Variants in MYT1L observed in about 807,000 individuals in gnomAD.
MYT1L encodes myelin transcription factor 1-like protein.
MYT1L carries 12 observed loss-of-function variants against 126.7 expected under a neutral mutation model. The ratio of observed to expected loss-of-function variants is 0.09; its 90% confidence interval spans 0.06 to 0.15. The LOEUF (loss-of-function observed/expected upper bound fraction) is 0.15. Among genes scored for constraint, MYT1L ranks in the 10% least tolerant of loss-of-function variants. The probability of loss-of-function intolerance (pLI) is 1.00; values close to 1 mark genes in which losing one functional copy is unlikely to be tolerated. For missense variants in MYT1L, 979 were observed against 1,585.2 expected (o/e 0.62, Z 6.49); for synonymous variants, 541 against 604.2 (o/e 0.90, Z 1.53).
At chr2:2,183,654 A>G (rs2091778729) in intron 2 of MYT1L, among the ~76,000 whole-genome samples, 1 of 152,188 alleles carries the variant, frequency 6.6e-6, no homozygotes, top group Admixed American at 6.5e-5. Flanking sequence ...TGTAAAAGTT[A>G]TCAGCATATG....
chr2:2,265,847 T>G (rs1466158267), intron 2 of MYT1L, among the ~76,000 whole-genome samples: 2 of 152,180 alleles, frequency 1.3e-5, no homozygotes, highest in Non-Finnish European at 2.9e-5. Context: ...GCCTTGAGGC[T>G]GATGGGATCT....
intron 2 of MYT1L, among the ~76,000 whole-genome samples, chr2:2,253,679 G>A (rs2094721134): frequency 6.6e-6 from 1 of 152,060 alleles, no homozygotes; most frequent in Non-Finnish European, 1.5e-5. Context: ...TGGGAAACAA[G>A]AAGCAGGGCA....
intron 4 of MYT1L, among the ~76,000 whole-genome samples, chr2:2,003,713 C>T (rs67080318): frequency 0.093 from 14,139 of 152,190 alleles, 698 homozygotes; most frequent in African/African-American, 0.13. Context: ...CCCATGGGTG[C>T]TTAGGGCTGC....
intron 11 of MYT1L, among the ~76,000 whole-genome samples, chr2:1,915,502 A>G (rs1218053962): frequency 2.0e-5 from 3 of 152,202 alleles, no homozygotes; most frequent in African/African-American, 7.2e-5. Context: ...CATCCATAAA[A>G]AGGAGCTGAT....
At chr2:2,027,737 C>T (rs2065796959) in intron 4 of MYT1L, among the ~76,000 whole-genome samples, 1 of 152,180 alleles carries the variant, frequency 6.6e-6, no homozygotes, top group South Asian at 2.1e-4. Context: ...CTGGGCGATA[C>T]TGGGCCACCT....
intron 2 of MYT1L, among the ~76,000 whole-genome samples, chr2:2,203,909 A>G (rs2093195417): frequency 6.6e-6 from 1 of 152,216 alleles, no homozygotes; most frequent in Non-Finnish European, 1.5e-5. Flanking sequence ...GTACCAAAAC[A>G]GAGATATAGA....
chr2:2,184,683 C>T (rs539876756), intron 2 of MYT1L, among the ~76,000 whole-genome samples: 2 of 152,174 alleles, frequency 1.3e-5, no homozygotes, highest in African/African-American at 4.8e-5. Flanking sequence ...CGCACGCCCA[C>T]CAATGGGCTG....
chr2:2,205,217 T>C (rs1408330723), intron 2 of MYT1L, among the ~76,000 whole-genome samples: 1 of 151,718 alleles, frequency 6.6e-6, no homozygotes, highest in Admixed American at 6.6e-5. Flanking sequence ...TGTATACATA[T>C]GTAACAAACC....
At chr2:2,152,158 G>T (rs1575514647) in intron 3 of MYT1L, among the ~76,000 whole-genome samples, 1 of 152,206 alleles carries the variant, frequency 6.6e-6, no homozygotes, top group Non-Finnish European at 1.5e-5. Context: ...GTCAAATAAG[G>T]ATGATTTGAA....
intron 1 of MYT1L, among the ~76,000 whole-genome samples, chr2:2,314,270 T>TC (rs1380589619): frequency 6.6e-6 from 1 of 152,150 alleles, no homozygotes; most frequent in African/African-American, 2.4e-5. Flanking sequence ...TATGTATAAC[T>TC]CCCCCCATGT....
At chr2:2,272,189 C>A (rs925442029) in intron 2 of MYT1L, among the ~76,000 whole-genome samples, 2 of 152,108 alleles carry the variant, frequency 1.3e-5, no homozygotes, top group Non-Finnish European at 2.9e-5. Flanking sequence ...GCCCAGCTCT[C>A]TTCCCTCCTG....
At chr2:1,991,480 A>G (rs2061452123) in intron 5 of MYT1L, among the ~76,000 whole-genome samples, 5 of 151,934 alleles carry the variant, frequency 3.3e-5, no homozygotes, top group African/African-American at 1.2e-4. Flanking sequence ...TTTTGCCACC[A>G]TGTTGTCCAG....
chr2:1,966,984 C>G (rs757121548), intron 8 of MYT1L, among the ~76,000 whole-genome samples: 1 of 152,112 alleles, frequency 6.6e-6, no homozygotes, highest in Non-Finnish European at 1.5e-5. Flanking sequence ...TGGGAAGCAA[C>G]GACCACCAGT....
At chr2:2,063,263 T>C (rs1574922481) in intron 3 of MYT1L, among the ~76,000 whole-genome samples, 1 of 152,318 alleles carries the variant, frequency 6.6e-6, no homozygotes, top group East Asian at 1.9e-4. Context: ...AATGATAACT[T>C]CTTTGTTTCT....
At chr2:2,003,787 C>T (rs370667439) in intron 4 of MYT1L, among the ~76,000 whole-genome samples, 27 of 152,314 alleles carry the variant, frequency 1.8e-4, no homozygotes, top group South Asian at 6.2e-4. Context: ...CTAAGTCTCC[C>T]CTCAGCCTCT....
At chr2:1,963,162 C>T (rs1046696752) in intron 8 of MYT1L, among the ~76,000 whole-genome samples, 4 of 152,224 alleles carry the variant, frequency 2.6e-5, no homozygotes, top group Non-Finnish European at 5.9e-5. Flanking sequence ...CCAACATTCA[C>T]CTCCTTGTGC....
At chr2:2,194,792 AG>A (rs2092728880) in intron 2 of MYT1L, among the ~76,000 whole-genome samples, 1 of 152,224 alleles carries the variant, frequency 6.6e-6, no homozygotes, top group African/African-American at 2.4e-5. Flanking sequence ...ACCAACTTTA[AG>A]CCAAGAACCA....
intron 22 of MYT1L, among the ~76,000 whole-genome samples, chr2:1,804,144 G>A (rs1241097916): frequency 1.3e-5 from 2 of 152,100 alleles, no homozygotes; most frequent in East Asian, 1.9e-4. Flanking sequence ...GTTTTGAGAT[G>A]GAGTTTGCTC....
rs200538856 is a variant in MYT1L at position 1,851,773 on chromosome 2, T to A, written c.2712-70A>T. The A allele has an allele frequency of 2.2e-5, 33 of 1,468,294 alleles. No homozygotes were observed. In the African/African-American group the frequency reaches 3.9e-4, roughly 17 times the overall value. 91.0% of individuals were successfully genotyped at this position (1,468,294 alleles called of 1,614,324 possible). A position where few individuals can be genotyped will look rare whatever the true frequency, so the allele number is the denominator to read the frequency against. ...GTTCCCTGAACAATTAACTTTTTTTTAATCCAAAAAGCAAACTAACTCTAT... is the reference window on the plus strand; with the variant it reads ...GTTCCCTGAACAATTAACTTTTTTTAAATCCAAAAAGCAAACTAACTCTAT... On this transcript the variant is annotated intron_variant, in intron 18 of 24. Coordinates refer to ENST00000647738, the MANE Select transcript of MYT1L (RefSeq NM_001303052.2).
Sources: gnomAD v4.1 joint callset for allele counts (sites outside exome capture counted in the v4.1 genomes callset) on GRCh38, gnomAD v4.1.1 for gene constraint, MANE v1.5 for transcripts, NCBI Gene and HGNC (gene_info 2026-07-23, HGNC 2026-07-21) for gene names.